UTP15: variants seen among roughly 807,000 people sequenced by gnomAD.
UTP15 encodes U3 small nucleolar RNA-associated protein 15 homolog.
In UTP15, 5 loss-of-function variants were observed where a neutral mutation model predicts 59.1. That is an observed-to-expected ratio of 0.08 (90% CI 0.04 to 0.18). The LOEUF (loss-of-function observed/expected upper bound fraction) is 0.18, where lower values mean the gene tolerates loss of function less well. UTP15 is among the 10% of genes least tolerant of loss of function. UTP15 has a pLI of 1.00. For synonymous variants in UTP15, 211 were observed against 212.2 expected, an observed-to-expected ratio of 0.99 and a Z score of 0.05; for missense variants, 494 against 616.7, an observed-to-expected ratio of 0.80 and a Z score of 2.11.
At chr5:73,575,783 C>T (rs181202018) in intron 7 of UTP15, among the ~76,000 whole-genome samples, 6 of 151,178 alleles carry the variant, frequency 4.0e-5, no homozygotes, top group Admixed American at 1.3e-4. Context: ...AGTGCAATGG[C>T]GCGGTCTCGG....
intron 12 of UTP15, 85 bp from the exon 13 acceptor site, chr5:73,579,792 T>C (rs1430111776): frequency 2.5e-6 from 2 of 786,424 alleles, no homozygotes; most frequent in Non-Finnish European, 1.9e-6. Flanking sequence ...ATGTTTAATA[T>C]TTTTATACTT....
At chr5:73,566,610 A>G (rs1747776455) in intron 1 of UTP15, among the ~76,000 whole-genome samples, 2 of 152,238 alleles carry the variant, frequency 1.3e-5, no homozygotes, top group African/African-American at 4.8e-5. Flanking sequence ...TTACCTGATA[A>G]CATTGAATCT....
intron 7 of UTP15, among the ~76,000 whole-genome samples, chr5:73,573,962 A>G (rs1748015171): frequency 6.6e-6 from 1 of 152,122 alleles, no homozygotes; most frequent in Non-Finnish European, 1.5e-5. Context: ...TCAGTATGTA[A>G]TCTATGTCAA....
rs1748352688 is a variant in UTP15, at chr5:73,582,502, AGCC to A, written c.*2409_*2411del. On this transcript the variant is annotated 3_prime_UTR_variant, in exon 13 of 13. Coordinates refer to ENST00000296792, the MANE Select transcript of UTP15 (RefSeq NM_032175.4). ...TAGGCTGAAGCTATCCTCCCACCTC[AGCC>A]TCCTGAGAAGCTGGGGCTACAGGGA... 2 of 152,182 alleles carry A rather than the reference AGCC, an allele frequency of 1.3e-5. No homozygotes were observed. Among genetic ancestry groups the A allele is most frequent in the Non-Finnish European group, 2.9e-5 (2 of 68,062 alleles). 9.4% of individuals were successfully genotyped at this position (152,182 alleles called of 1,614,324 possible). A position where few individuals can be genotyped will look rare whatever the true frequency, so the allele number is the denominator to read the frequency against.
intron 6 of UTP15, among the ~76,000 whole-genome samples, chr5:73,571,946 C>G (rs1007632655): frequency 1.3e-5 from 2 of 152,162 alleles, no homozygotes; most frequent in African/African-American, 4.8e-5. Context: ...CTTAAGGTCT[C>G]TAGACCTTGA....
In UTP15 at chr5:73,572,587, A is replaced by G; in HGVS notation, c.772A>G (p.Ser258Gly). The change falls in exon 7 of 13, where the codon AGC becomes GGC. Residue 258 changes from serine (S) to glycine (G), a missense_variant. By Grantham distance (56) the Ser-to-Gly change is moderately conservative. Transcript: ENST00000296792. ...AACCGTGACATGTTTATGTCTAAGC[A>G]GCTCTGGACAGAGGTTACTCTCTGG... ...HKTVTCLCLS[S>G]SGQRLLSGSL... 1 of 1,614,154 alleles carries G rather than the reference A, an allele frequency of 6.2e-7. No individual in the cohort carries two copies. The highest frequency in any genetic ancestry group is 1.1e-5 in the South Asian group (1 of 91,078).
At chr5:73,571,350 A>T (rs1747926871) in intron 6 of UTP15, among the ~76,000 whole-genome samples, 1 of 151,784 alleles carries the variant, frequency 6.6e-6, no homozygotes, top group Non-Finnish European at 1.5e-5. Context: ...GAAAGGAGAT[A>T]ATGTGGCCTC....
At chr5:73,579,750 T>G (rs1748241124) in intron 12 of UTP15, 127 bp from the exon 13 acceptor site, 2 of 516,026 alleles carry the variant, frequency 3.9e-6, no homozygotes, top group Non-Finnish European at 6.5e-6. Context: ...ATTAATTAAT[T>G]ATAAAATAAG....
rs745548544 is a variant in UTP15 at position 73,567,332 on chromosome 5, A to G, written c.-13A>G. The G allele has an allele frequency of 1.3e-6, 2 of 1,575,048 alleles. No homozygotes were observed. Among genetic ancestry groups the G allele is most frequent in the East Asian group, 2.3e-5 (1 of 43,794 alleles). Reference sequence around the variant, plus strand: ...ATAGTGACTCTTGGACAATAGTGCAATTATATGGAATTATGGCTGGTTATA... The same window carrying G: ...ATAGTGACTCTTGGACAATAGTGCAGTTATATGGAATTATGGCTGGTTATA... On this transcript the variant is annotated 5_prime_UTR_variant, in exon 2 of 13. Transcript: ENST00000296792.
chr5:73,568,591 G>A lies in UTP15; in HGVS notation c.355G>A (p.Glu119Lys). The A allele has an allele frequency of 6.2e-7, 1 of 1,612,238 alleles. No homozygotes were observed. Among genetic ancestry groups the A allele is most frequent in the Non-Finnish European group, 8.5e-7 (1 of 1,179,416 alleles). ...ISGRAPLRQF[E>K]GHTKAVHTVD... Reference sequence around the variant, plus strand: ...TGGGAGGGCTCCCCTCAGGCAGTTTGAAGGCCATACAAAGTAAGAGACAGT... The same window carrying A: ...TGGGAGGGCTCCCCTCAGGCAGTTTAAAGGCCATACAAAGTAAGAGACAGT... The change falls in exon 4 of 13, where the codon GAA becomes AAA. Residue 119 changes from glutamate (E) to lysine (K), a missense_variant. Coordinates refer to ENST00000296792, the MANE Select transcript of UTP15 (RefSeq NM_032175.4).
chr5:73,579,821 C>T, intron 12 of UTP15, 56 bp from the exon 13 acceptor site: 23 of 1,261,476 alleles, frequency 1.8e-5, no homozygotes, highest in South Asian at 8.7e-5. Flanking sequence ...TTTTGCTTTT[C>T]ACTTAATGTA....
chr5:73,568,713 C>T, intron 4 of UTP15, 109 bp downstream of exon 4: 2 of 1,034,986 alleles, frequency 1.9e-6, no homozygotes, highest in Non-Finnish European at 1.4e-6. Flanking sequence ...AGATTATTTG[C>T]CTATAGGTAC....
At position 73,565,795 on chromosome 5, in the gene UTP15, G is replaced by C. The variant is rs1561273828; in HGVS notation, c.-201G>C. ...GCTGTGTGTGTCGCCGGCTCCTTGA[G>C]GGTCCATGTGATTTTTACGCCAGTG... On this transcript the variant is annotated 5_prime_UTR_variant, in exon 1 of 13. Coordinates refer to ENST00000296792, the MANE Select transcript of UTP15 (RefSeq NM_032175.4). 2.2e-6 allele frequency: 1 copy of C among 456,300 alleles called. No homozygotes were observed. The highest frequency in any genetic ancestry group is 4.4e-6 in the Non-Finnish European group (1 of 226,960). 28.3% of individuals were successfully genotyped at this position (456,300 alleles called of 1,614,324 possible).
Position 73,569,572 on chromosome 5 carries a change from A to C in UTP15, c.444A>C (p.Leu148Phe). 4 of 1,613,882 alleles carry C rather than the reference A, an allele frequency of 2.5e-6. No individual in the cohort carries two copies. Among genetic ancestry groups the C allele is most frequent in the Non-Finnish European group, 3.4e-6 (4 of 1,179,874 alleles). Residue 148 changes from leucine (L) to phenylalanine (F), a missense_variant, in exon 5 of 13, where the codon TTA becomes TTC. Leu to Phe is a conservative substitution (Grantham distance 22). Coordinates refer to ENST00000296792, the MANE Select transcript of UTP15 (RefSeq NM_032175.4). ...VSGADDYTVK[L>F]WDIPNSKEIL... ...GGGCTGATGATTATACAGTTAAATT[A>C]TGGGATATTCCAAACTCCAAAGAAA...
In UTP15 at chr5:73,572,591, C is replaced by T. The variant is rs1240287307; in HGVS notation, c.776C>T (p.Ser259Phe). Reference sequence around the variant, plus strand: ...GTGACATGTTTATGTCTAAGCAGCTCTGGACAGAGGTTACTCTCTGGCTCA... The same window carrying T: ...GTGACATGTTTATGTCTAAGCAGCTTTGGACAGAGGTTACTCTCTGGCTCA... ...KTVTCLCLSS[S>F]GQRLLSGSLD... Residue 259 changes from serine to phenylalanine, a missense_variant, in exon 7 of 13, where the codon TCT (serine) becomes TTT (phenylalanine). Coordinates refer to ENST00000296792, the MANE Select transcript of UTP15 (RefSeq NM_032175.4). The T allele has an allele frequency of 2.5e-6, 4 of 1,614,136 alleles. No individual in the cohort carries two copies. The African/African-American group carries it at 4.0e-5, about 16-fold the overall frequency.
At chr5:73,577,092 C>T in intron 8 of UTP15, 56 bp downstream of exon 8, 1 of 1,317,890 alleles carries the variant, frequency 7.6e-7, no homozygotes. Flanking sequence ...TTAAATGAAA[C>T]TAAAATGGAA....
At position 73,577,053 on chromosome 5, in the gene UTP15, A is replaced by G. The variant is rs764013938; in HGVS notation, c.894+17A>G. 26 of 1,575,122 alleles carry G rather than the reference A, an allele frequency of 1.7e-5. No homozygotes were observed. In the East Asian group the frequency reaches 2.0e-4, roughly 12 times the overall value. ...GCCCTTGCAGTAAGTACCTTTACCT[A>G]TTTTTAAGTCTGTCACTAACCCTGC... is the stretch of plus-strand genomic sequence containing the variant. On this transcript the variant is annotated intron_variant, in intron 8 of 12. Coordinates refer to ENST00000296792, the MANE Select transcript of UTP15 (RefSeq NM_032175.4).
Position 73,583,299 on chromosome 5 carries a change from A to C in UTP15, c.*3205A>C, listed in dbSNP as rs1748376325. On this transcript the variant is annotated 3_prime_UTR_variant, in exon 13 of 13. Transcript: ENST00000296792. ...GCTATGTCTAGGTCATCAGCGGAGA[A>C]AGTTGGTTTGTAGAGAATGAACAAG... 1 of 152,232 alleles carries C rather than the reference A, an allele frequency of 6.6e-6. No homozygotes were observed. Among genetic ancestry groups the C allele is most frequent in the African/African-American group, 2.4e-5 (1 of 41,452 alleles). 9.4% of individuals were successfully genotyped at this position (152,232 alleles called of 1,614,324 possible). A position where few individuals can be genotyped will look rare whatever the true frequency, so the allele number is the denominator to read the frequency against.
At chr5:73,578,640 T>G in intron 9 of UTP15, 111 bp from the exon 10 acceptor site, 1 of 883,872 alleles carries the variant, frequency 1.1e-6, no homozygotes. Flanking sequence ...CATATGAACA[T>G]TATTTGTGAC....
Sources: allele counts gnomAD v4.1 joint callset (sites outside exome capture counted in the v4.1 genomes callset), GRCh38; gene constraint gnomAD v4.1.1; transcripts MANE v1.5; gene names NCBI Gene and HGNC (gene_info 2026-07-23, HGNC 2026-07-21).